Variants in HTT observed in about 807,000 individuals in gnomAD.
The protein encoded by HTT is huntington disease protein.
A neutral mutation model predicts 362.3 loss-of-function variants in HTT; 104 were observed. That is an observed-to-expected ratio of 0.29 (90% CI 0.24 to 0.34). HTT has a LOEUF of 0.34. Among genes scored for constraint, HTT ranks in the 10% least tolerant of loss-of-function variants. The pLI is 1.00. For synonymous variants in HTT, 1,577 were observed against 1,548.7 expected, an observed-to-expected ratio of 1.02 and a Z score of -0.43; for missense variants, 3,301 against 3,928.6, an observed-to-expected ratio of 0.84 and a Z score of 4.27.
At position 3,116,273 on chromosome 4, in the gene HTT, C is replaced by T. The variant is rs774481898; in HGVS notation, c.1068+10C>T. ...AGAGCAGCTTGTCCAGGTAGGAGCACAGGGTTTACTCTAGGCCCTGCATGT... is the reference window on the plus strand; with the variant it reads ...AGAGCAGCTTGTCCAGGTAGGAGCATAGGGTTTACTCTAGGCCCTGCATGT... On this transcript the variant is annotated intron_variant, in intron 8 of 66. Coordinates refer to ENST00000355072, the MANE Select transcript of HTT (RefSeq NM_001388492.1). 1 of 1,602,362 alleles carries T rather than the reference C, an allele frequency of 6.2e-7. No homozygotes were observed. The highest frequency in any genetic ancestry group is 8.5e-7 in the Non-Finnish European group (1 of 1,169,872).
chr4:3,222,309 G>C, intron 53 of HTT, 78 bp from the exon 54 acceptor site: 8 of 1,233,372 alleles, frequency 6.5e-6, no homozygotes, highest in Non-Finnish European at 9.5e-6. Flanking sequence ...GGGCCGTGCT[G>C]TGTCGGCGTA....
At chr4:3,141,500 C>T (rs563551090) in intron 22 of HTT, among the ~76,000 whole-genome samples, 4 of 152,202 alleles carry the variant, frequency 2.6e-5, no homozygotes, top group South Asian at 2.1e-4. Flanking sequence ...CGGTGGCTCA[C>T]GCCTGTAATC....
At chr4:3,179,955 A>G (rs1718432887) in intron 35 of HTT, among the ~76,000 whole-genome samples, 1 of 152,156 alleles carries the variant, frequency 6.6e-6, no homozygotes. Context: ...GTGCCAATGA[A>G]AGGCATTTCT....
intron 21 of HTT, among the ~76,000 whole-genome samples, chr4:3,138,442 C>G (rs1238943670): frequency 1.3e-5 from 2 of 152,036 alleles, no homozygotes; most frequent in Admixed American, 1.3e-4. Context: ...ACTGTATGCC[C>G]TTGCGTACCC....
Position 3,074,963 on chromosome 4 carries a change from G to GCCGCCGCCA in HTT, c.143_144insGCCACCGCC (p.Pro47_Pro49dup). On this transcript the variant is annotated inframe_insertion, in exon 1 of 67. Coordinates refer to ENST00000355072, the MANE Select transcript of HTT (RefSeq NM_001388492.1). Reference sequence around the variant, plus strand: ...AGCCGCCACCGCCGCCGCCGCCGCCGCCGCCTCCTCAGCTTCCTCAGCCGC... The same window carrying GCCGCCGCCA: ...AGCCGCCACCGCCGCCGCCGCCGCCGCCGCCGCCACCGCCTCCTCAGCTTCCTCAGCCGC... The GCCGCCGCCA allele has an allele frequency of 6.7e-7, 1 of 1,492,470 alleles. No homozygotes were observed. The highest frequency in any genetic ancestry group is 8.9e-7 in the Non-Finnish European group (1 of 1,125,474). 92.5% of individuals were successfully genotyped at this position (1,492,470 alleles called of 1,614,324 possible).
rs1052481280 is a variant in HTT, at chr4:3,243,165, C to T, written c.*3106C>T. The T allele has an allele frequency of 2.0e-5, 3 of 152,752 alleles. No individual in the cohort carries two copies. The highest frequency in any genetic ancestry group is 1.9e-4 in the East Asian group (1 of 5,180). The allele number at this position is 152,752 out of a possible 1,614,324, so 9.5% of individuals were successfully genotyped here. ...GGACGGATAGTAGACAGCAATAACT[C>T]GGTGTGTGGCCGCCTGGCAGGTGGA... On this transcript the variant is annotated 3_prime_UTR_variant, in exon 67 of 67. Coordinates refer to ENST00000355072, the MANE Select transcript of HTT (RefSeq NM_001388492.1).
intron 38 of HTT, 102 bp downstream of exon 38, chr4:3,186,821 G>A: frequency 2.8e-6 from 3 of 1,057,544 alleles, no homozygotes; most frequent in Admixed American, 4.8e-5. Flanking sequence ...GTTTGGGTAG[G>A]GCTTCTTGAG....
At chr4:3,231,728 C>G (rs940212338) in intron 60 of HTT, among the ~76,000 whole-genome samples, 32 of 152,118 alleles carry the variant, frequency 2.1e-4, no homozygotes, top group African/African-American at 7.7e-4. Context: ...CTGGGTGTTG[C>G]CCACACGATG....
At chr4:3,082,047 T>C (rs1352502110) in intron 1 of HTT, among the ~76,000 whole-genome samples, 4 of 152,226 alleles carry the variant, frequency 2.6e-5, no homozygotes, top group African/African-American at 7.2e-5. Flanking sequence ...TCTTCCCAGA[T>C]TTTAATATGC....
At chr4:3,174,270 T>C (rs1718129022) in intron 31 of HTT, among the ~76,000 whole-genome samples, 1 of 152,212 alleles carries the variant, frequency 6.6e-6, no homozygotes, top group Non-Finnish European at 1.5e-5. Flanking sequence ...TTAATAAGCA[T>C]GTGAGTGTGT....
rs989666447 is a variant in HTT at position 3,228,334 on chromosome 4, C to G, written c.7849-281C>G. Among the ~76,000 whole-genome samples, 2 of 152,206 alleles carry G rather than the reference C, an allele frequency of 1.3e-5. No individual in the cohort carries two copies. Among genetic ancestry groups the G allele is most frequent in the African/African-American group, 4.8e-5 (2 of 41,442 alleles). On this transcript the variant is annotated intron_variant, in intron 57 of 66. Transcript: ENST00000355072. The surrounding 1 kb of genome is among the most constrained non-coding windows in gnomAD (Gnocchi z 4.3). ...TCACTTAGGAGTGAAAGCATCCCTT[C>G]GTAGAGCCTCTTTCTGTGTCACCCT...
intron 7 of HTT, among the ~76,000 whole-genome samples, 180 bp downstream of exon 7, chr4:3,115,625 C>G (rs1400639298): frequency 2.0e-5 from 3 of 152,192 alleles, no homozygotes; most frequent in African/African-American, 7.2e-5. Context: ...CCTGCAGATG[C>G]AGCCGTGCCC....
intron 1 of HTT, among the ~76,000 whole-genome samples, chr4:3,080,410 T>C (rs1712831156): frequency 6.6e-6 from 1 of 152,214 alleles, no homozygotes; most frequent in Non-Finnish European, 1.5e-5. Context: ...CCAGGCTCTT[T>C]CTTATACTTA....
intron 1 of HTT, among the ~76,000 whole-genome samples, chr4:3,076,048 C>CG (rs989293592): frequency 3.9e-5 from 6 of 152,072 alleles, no homozygotes; most frequent in Admixed American, 6.5e-5. Context: ...TGCCAGAATA[C>CG]GGGGGGTCCG....
At chr4:3,204,663 A>AAAAAAAT (rs1553919246) in intron 42 of HTT, among the ~76,000 whole-genome samples, 1 of 152,110 alleles carries the variant, frequency 6.6e-6, no homozygotes, top group Non-Finnish European at 1.5e-5. Context: ...ACCCATCTCT[A>AAAAAAAT]AAAAAATAAA....
Position 3,224,377 on chromosome 4 carries a change from C to T in HTT, c.7765+246C>T, listed in dbSNP as rs118016960. 2.6e-4 allele frequency among the ~76,000 whole-genome samples: 40 copies of T among 152,344 alleles called. 2 individuals carry two copies. In the East Asian group the frequency reaches 7.3e-3, roughly 28 times the overall value. On this transcript the variant is annotated intron_variant, in intron 56 of 66. Coordinates refer to ENST00000355072, the MANE Select transcript of HTT (RefSeq NM_001388492.1). ...AAGAAATGAGAAGCGAAAGAATTCT[C>T]ACGGGCTGTAAGACCAGCAGGATTT...
chr4:3,088,785 G>A (rs530431903), intron 2 of HTT, among the ~76,000 whole-genome samples: 18 of 151,044 alleles, frequency 1.2e-4, no homozygotes, highest in African/African-American at 4.4e-4. Flanking sequence ...CTGTGCATTT[G>A]TATTATATAC....
intron 29 of HTT, among the ~76,000 whole-genome samples, chr4:3,166,818 G>T (rs1309481599): frequency 6.6e-6 from 1 of 152,238 alleles, no homozygotes; most frequent in African/African-American, 2.4e-5. Flanking sequence ...GGGCAGGAGT[G>T]TACTGCTCCT....
chr4:3,079,261 T>G (rs1363620171), intron 1 of HTT, among the ~76,000 whole-genome samples: 1 of 150,590 alleles, frequency 6.6e-6, no homozygotes, highest in Non-Finnish European at 1.5e-5. Flanking sequence ...TTTTTTTTTT[T>G]TTTTTGGGGT....
Sources: allele counts gnomAD v4.1 joint callset (sites outside exome capture counted in the v4.1 genomes callset), GRCh38; gene constraint gnomAD v4.1.1; non-coding constraint Gnocchi (gnomAD v3.1); transcripts MANE v1.5; gene names NCBI Gene and HGNC (gene_info 2026-07-23, HGNC 2026-07-21).